The following EHD2 variants were observed in gnomAD, a reference collection of about 807,000 sequenced individuals.
EHD2 encodes EH domain-containing protein 2.
Under a neutral mutation model 41.0 loss-of-function variants are expected in EHD2, and 27 were observed. The observed-to-expected ratio is 0.66, with a 90% confidence interval of 0.49 to 0.91. The LOEUF is 0.91. Among genes scored for constraint, EHD2 ranks in the 40% least tolerant of loss-of-function variants. The pLI is 0.00. For synonymous variants in EHD2, 342 were observed against 341.0 expected (o/e 1.00, Z -0.03); for missense variants, 673 against 773.9 (o/e 0.87, Z 1.55).
intron 5 of EHD2, among the ~76,000 whole-genome samples, chr19:47,736,903 C>T (rs1213718195): frequency 6.6e-6 from 1 of 152,176 alleles, no homozygotes; most frequent in Non-Finnish European, 1.5e-5. Context: ...GCTGTGAAGG[C>T]TCCAGCCATT....
At position 47,719,772 on chromosome 19, in the gene EHD2, C is replaced by A. The variant is rs1973675246; in HGVS notation, c.502+1166C>A. Among the ~76,000 whole-genome samples, 1 of 151,980 alleles carries A rather than the reference C, an allele frequency of 6.6e-6. No individual in the cohort carries two copies. Among genetic ancestry groups the A allele is most frequent in the Admixed American group, 6.5e-5 (1 of 15,274 alleles). On this transcript the variant is annotated intron_variant, in intron 3 of 5. Coordinates refer to ENST00000263277, the MANE Select transcript of EHD2 (RefSeq NM_014601.4). This position sits in a 1 kb window ranked among gnomAD's most constrained non-coding sequence, Gnocchi z 4.1. Reference sequence around the variant, plus strand: ...GGGGGAGGAATTCCTGGGGCTCCCACCCCAGGGCCTGGACCTGGGACAGCG... The same window carrying A: ...GGGGGAGGAATTCCTGGGGCTCCCAACCCAGGGCCTGGACCTGGGACAGCG...
At chr19:47,739,928 G>T (rs1189511502) in intron 5 of EHD2, among the ~76,000 whole-genome samples, 1 of 152,140 alleles carries the variant, frequency 6.6e-6, no homozygotes, top group African/African-American at 2.4e-5. Flanking sequence ...CATCAGAGGG[G>T]CCCCAGCCTC....
rs1003349876 is a variant in EHD2, at chr19:47,742,257, C to G, written c.*825C>G. The G allele has an allele frequency of 3.3e-6, 1 of 304,882 alleles. No individual in the cohort carries two copies. The highest frequency in any genetic ancestry group is 2.3e-5 in the African/African-American group (1 of 44,196). The allele number at this position is 304,882 out of a possible 1,614,324, so 18.9% of individuals were successfully genotyped here. A position where few individuals can be genotyped will look rare whatever the true frequency, so the allele number is the denominator to read the frequency against. On this transcript the variant is annotated 3_prime_UTR_variant, in exon 6 of 6. Coordinates refer to ENST00000263277, the MANE Select transcript of EHD2 (RefSeq NM_014601.4). Reference sequence around the variant, plus strand: ...TTTTGCCCCCAGTTCTGTCCACACCCCTTCCCTTTCCTGTCCTGTCCTTTC... The same window carrying G: ...TTTTGCCCCCAGTTCTGTCCACACCGCTTCCCTTTCCTGTCCTGTCCTTTC...
At chr19:47,732,138 T>C (rs557391416) in intron 4 of EHD2, 1 of 151,700 alleles carries the variant, frequency 6.6e-6, no homozygotes, top group South Asian at 2.1e-4. Flanking sequence ...TTATTTTGTT[T>C]TGAGACTGAG....
intron 2 of EHD2, among the ~76,000 whole-genome samples, chr19:47,717,360 T>C (rs934890049): frequency 2.0e-5 from 3 of 152,030 alleles, no homozygotes; most frequent in African/African-American, 7.2e-5. Flanking sequence ...TGGGGGCACG[T>C]CTTTCTGTCC....
At position 47,719,607 on chromosome 19, in the gene EHD2, AG is replaced by A. The variant is rs917289534; in HGVS notation, c.502+1003del. Among the ~76,000 whole-genome samples the A allele has an allele frequency of 3.3e-5, 5 of 151,852 alleles. No individual in the cohort carries two copies. The highest frequency in any genetic ancestry group is 5.9e-5 in the Non-Finnish European group (4 of 67,930). On this transcript the variant is annotated intron_variant, in intron 3 of 5. Coordinates refer to ENST00000263277, the MANE Select transcript of EHD2 (RefSeq NM_014601.4). The surrounding 1 kb of genome is among the most constrained non-coding windows in gnomAD (Gnocchi z 4.1). Reference sequence around the variant, plus strand: ...TGCTATGTGGGGCAGAGAGGATGGGAGGCCCTGGCGAGAAGGCTGGGCCTGG... The same window carrying A: ...TGCTATGTGGGGCAGAGAGGATGGGAGCCCTGGCGAGAAGGCTGGGCCTGG...
Position 47,716,654 on chromosome 19 carries a change from G to A in EHD2, c.42G>A (p.Gln14=), listed in dbSNP as rs1474128717. ...AGCGGGGCGGGGCACGGGGCCAGCAGCCCGAGGCCATCCGCACGGTGACCT... is the reference window on the plus strand; with the variant it reads ...AGCGGGGCGGGGCACGGGGCCAGCAACCCGAGGCCATCCGCACGGTGACCT... ...WLKRGGARGQ[Q]PEAIRTVTSA... Residue 14 remains glutamine (Q), a synonymous_variant, in exon 2 of 6, where the codon CAG becomes CAA. Coordinates refer to ENST00000263277, the MANE Select transcript of EHD2 (RefSeq NM_014601.4). The A allele has an allele frequency of 6.3e-7, 1 of 1,583,038 alleles. No homozygotes were observed. The highest frequency in any genetic ancestry group is 1.1e-5 in the South Asian group (1 of 87,594).
intron 4 of EHD2, among the ~76,000 whole-genome samples, chr19:47,734,792 C>T (rs1166834279): frequency 6.6e-6 from 1 of 151,498 alleles, no homozygotes; most frequent in Non-Finnish European, 1.5e-5. Context: ...GTGGCTCCCG[C>T]CTGTCATCCC....
At chr19:47,722,206 G>A (rs1039415717) in intron 3 of EHD2, among the ~76,000 whole-genome samples, 4 of 152,148 alleles carry the variant, frequency 2.6e-5, no homozygotes, top group Non-Finnish European at 4.4e-5. Context: ...GGTGAGTGCC[G>A]TTGTGGGCCC....
chr19:47,741,473 C>G lies in EHD2; in HGVS notation c.*41C>G, dbSNP rs563211729. 9.8e-6 allele frequency: 15 copies of G among 1,529,632 alleles called. No homozygotes were observed. Among genetic ancestry groups the G allele is most frequent in the Non-Finnish European group, 9.6e-6 (11 of 1,142,886 alleles). The allele number at this position is 1,529,632 out of a possible 1,614,324, so 94.8% of individuals were successfully genotyped here. A position where few individuals can be genotyped will look rare whatever the true frequency, so the allele number is the denominator to read the frequency against. ...ATGGCCCTGCTGTGGCTCCCCAGCT[C>G]CAGTCGGCTGCACGCACACCCCTGC... On this transcript the variant is annotated 3_prime_UTR_variant, in exon 6 of 6. Transcript: ENST00000263277. The surrounding 1 kb of genome is among the most constrained non-coding windows in gnomAD (Gnocchi z 4.5).
chr19:47,725,080 G>A lies in EHD2; in HGVS notation c.503-732G>A, dbSNP rs557547376. Among the ~76,000 whole-genome samples, 14 of 151,142 alleles carry A rather than the reference G, an allele frequency of 9.3e-5. No individual in the cohort carries two copies. The East Asian group carries it at 2.7e-3, about 30-fold the overall frequency. On this transcript the variant is annotated intron_variant, in intron 3 of 5. Transcript: ENST00000263277. ...CATGAACTCTAGTTGCTGGATCGTGGGGAGATACAACAGGTCCTGGGGAGG... is the reference window on the plus strand; with the variant it reads ...CATGAACTCTAGTTGCTGGATCGTGAGGAGATACAACAGGTCCTGGGGAGG...
At position 47,741,072 on chromosome 19, in the gene EHD2, G is replaced by A; in HGVS notation, c.1272G>A (p.Glu424=). Residue 424 remains glutamate, a synonymous_variant, in exon 6 of 6, where the codon GAG becomes GAA. Coordinates refer to ENST00000263277, the MANE Select transcript of EHD2 (RefSeq NM_014601.4). The surrounding 1 kb of genome is among the most constrained non-coding windows in gnomAD (Gnocchi z 4.5). ...GCACCCACATGGGCCCGTTTGTGGA[G>A]CGGGGACCTGACGAGGCCATGGAGG... The part of the protein sequence containing the change: ...FEGTHMGPFV[E]RGPDEAMEDG... 3.1e-6 allele frequency: 5 copies of A among 1,609,634 alleles called. No homozygotes were observed. The highest frequency in any genetic ancestry group is 4.2e-6 in the Non-Finnish European group (5 of 1,179,558).
intron 4 of EHD2, among the ~76,000 whole-genome samples, chr19:47,726,503 T>A (rs960882086): frequency 6.6e-6 from 1 of 151,682 alleles, no homozygotes; most frequent in African/African-American, 2.4e-5. Flanking sequence ...CTCTTCTTCT[T>A]CTTCCTCTTT....
intron 4 of EHD2, among the ~76,000 whole-genome samples, chr19:47,734,333 T>G (rs1001085383): frequency 1.8e-4 from 27 of 151,062 alleles, no homozygotes; most frequent in Admixed American, 1.5e-3. Context: ...AGACCCTGTC[T>G]AAAAAAAGCA....
intron 3 of EHD2, among the ~76,000 whole-genome samples, chr19:47,720,130 T>C (rs1487220696): frequency 4.0e-5 from 6 of 151,816 alleles, no homozygotes; most frequent in South Asian, 2.1e-4. Context: ...TGTGTGTGTG[T>C]GTGCGCATGT....
intron 3 of EHD2, among the ~76,000 whole-genome samples, chr19:47,720,111 C>T (rs571077258): frequency 2.2e-4 from 31 of 138,440 alleles, no homozygotes; most frequent in Non-Finnish European, 4.3e-4. Flanking sequence ...GTGTACATGC[C>T]TCTGTGTGTG....
chr19:47,741,417 GGGCTCCGCCGAGTGAGCC>G lies in EHD2; in HGVS notation c.1621_*6del. 6.4e-7 allele frequency: 1 copy of G among 1,562,270 alleles called. No homozygotes were observed. Among genetic ancestry groups the G allele is most frequent in the Non-Finnish European group, 8.6e-7 (1 of 1,165,888 alleles). On this transcript the variant is annotated stop_lost and 3_prime_UTR_variant, in exon 6 of 6. Coordinates refer to ENST00000263277, the MANE Select transcript of EHD2 (RefSeq NM_014601.4). This position sits in a 1 kb window ranked among gnomAD's most constrained non-coding sequence, Gnocchi z 4.5. ...TGCCACCCTCCAAGCGACGCCACAA[GGGCTCCGCCGAGTGAGCC>G]GGCCCCCCTCCCATGGCCCTGCTGT...
intron 3 of EHD2, among the ~76,000 whole-genome samples, chr19:47,724,738 CTCAG>C (rs1339958379): frequency 6.6e-6 from 1 of 152,042 alleles, no homozygotes; most frequent in Non-Finnish European, 1.5e-5. Context: ...ACATGAGACT[CTCAG>C]TAAGTATTGC....
At chr19:47,735,231 G>C (rs143487213) in intron 4 of EHD2, among the ~76,000 whole-genome samples, 12 of 152,248 alleles carry the variant, frequency 7.9e-5, no homozygotes, top group African/African-American at 2.9e-4. Flanking sequence ...ATGTTGACAG[G>C]GCAATTAGCT....
Sources: allele counts gnomAD v4.1 joint callset (sites outside exome capture counted in the v4.1 genomes callset), GRCh38; gene constraint gnomAD v4.1.1; non-coding constraint Gnocchi (gnomAD v3.1); transcripts MANE v1.5; gene names NCBI Gene and HGNC (gene_info 2026-07-23, HGNC 2026-07-21).